The following LUZP2 variants were observed in gnomAD, a reference collection of about 807,000 sequenced individuals.
LUZP2 encodes leucine zipper protein 2.
LUZP2 carries 52 observed loss-of-function variants against 51.6 expected under a neutral mutation model. The observed-to-expected ratio is 1.01, with a 90% CI of 0.81 to 1.27. The LOEUF (loss-of-function observed/expected upper bound fraction) is 1.27. Ranked by LOEUF, LUZP2 falls within the 50% of genes most tolerant of loss-of-function variation. The pLI, the probability that LUZP2 is intolerant of heterozygous loss-of-function variation, is 0.00. For missense variants in LUZP2, 436 were observed against 395.4 expected (o/e 1.10, Z -0.87); for synonymous variants, 154 against 137.3 (o/e 1.12, Z -0.85).
chr11:24,665,228 G>A (rs1856174099), intron 1 of LUZP2, among the ~76,000 whole-genome samples: 1 of 152,140 alleles, frequency 6.6e-6, no homozygotes, highest in Non-Finnish European at 1.5e-5. Flanking sequence ...GGACTTGCAT[G>A]GAGCCTGTAA....
At chr11:24,602,438 AAAAT>A (rs36164354) in intron 1 of LUZP2, among the ~76,000 whole-genome samples, 2,725 of 148,314 alleles carry the variant, frequency 0.018, 32 homozygotes, top group African/African-American at 0.026. Context: ...AAATATGGGG[AAAAT>A]AAATAAATGC....
chr11:24,629,943 T>C, intron 1 of LUZP2, among the ~76,000 whole-genome samples: 1 of 152,034 alleles, frequency 6.6e-6, no homozygotes, highest in Non-Finnish European at 1.5e-5. Context: ...CTCTGATGAT[T>C]AGTGATGTTA....
chr11:24,656,263 A>T (rs1330416927), intron 1 of LUZP2, among the ~76,000 whole-genome samples: 1 of 152,164 alleles, frequency 6.6e-6, no homozygotes, highest in Non-Finnish European at 1.5e-5. Flanking sequence ...TCTCCATTCT[A>T]TCAATTTTCT....
chr11:24,975,345 A>G (rs1483410930), intron 7 of LUZP2, among the ~76,000 whole-genome samples: 1 of 152,080 alleles, frequency 6.6e-6, no homozygotes, highest in Non-Finnish European at 1.5e-5. Context: ...GCATTTTATT[A>G]TTCTTGCTCT....
intron 1 of LUZP2, among the ~76,000 whole-genome samples, chr11:24,539,988 A>G (rs1447540435): frequency 1.3e-5 from 2 of 152,052 alleles, no homozygotes; most frequent in African/African-American, 2.4e-5. Flanking sequence ...ACATATATAT[A>G]TATATTCTCA....
At chr11:24,538,413 G>A (rs1017884743) in intron 1 of LUZP2, among the ~76,000 whole-genome samples, 1 of 151,630 alleles carries the variant, frequency 6.6e-6, no homozygotes, top group African/African-American at 2.4e-5. Context: ...TGGTTTCTTA[G>A]GACATAAAAA....
chr11:24,999,340 G>A (rs1245126379), intron 9 of LUZP2, among the ~76,000 whole-genome samples: 3 of 151,850 alleles, frequency 2.0e-5, no homozygotes, highest in African/African-American at 7.3e-5. Context: ...GGAAGAAGAA[G>A]AGGAAAAAGA....
chr11:24,539,530 T>G (rs1262518831), intron 1 of LUZP2, among the ~76,000 whole-genome samples: 2 of 151,964 alleles, frequency 1.3e-5, no homozygotes, highest in Non-Finnish European at 2.9e-5. Context: ...ACACTATGCT[T>G]TTATAAATAC....
intron 6 of LUZP2, among the ~76,000 whole-genome samples, chr11:24,908,955 G>T (rs569419735): frequency 3.3e-5 from 5 of 151,500 alleles, no homozygotes; most frequent in African/African-American, 1.2e-4. Flanking sequence ...TAGAGACAGG[G>T]TTTCACTGTG....
At chr11:24,768,315 G>T (rs924656676) in intron 5 of LUZP2, among the ~76,000 whole-genome samples, 1 of 151,988 alleles carries the variant, frequency 6.6e-6, no homozygotes, top group African/African-American at 2.4e-5. Context: ...TTGTCATGTT[G>T]GCCAGGCTGG....
chr11:24,779,592 C>T (rs1244692785), intron 5 of LUZP2, among the ~76,000 whole-genome samples: 1 of 152,268 alleles, frequency 6.6e-6, no homozygotes, highest in Non-Finnish European at 1.5e-5. Context: ...AAATATTACT[C>T]GTGGCATATT....
At chr11:24,713,474 TTA>T (rs1857915673) in intron 1 of LUZP2, among the ~76,000 whole-genome samples, 1 of 152,064 alleles carries the variant, frequency 6.6e-6, no homozygotes, top group African/African-American at 2.4e-5. Flanking sequence ...GAAAATGTGC[TTA>T]TATAGTAAGT....
intron 5 of LUZP2, among the ~76,000 whole-genome samples, chr11:24,846,976 C>T (rs1851222121): frequency 6.6e-6 from 1 of 151,518 alleles, no homozygotes; most frequent in Admixed American, 6.6e-5. Flanking sequence ...TATATACACT[C>T]ATATATAGTA....
chr11:24,999,804 T>A (rs1856626400), intron 9 of LUZP2, among the ~76,000 whole-genome samples: 1 of 152,204 alleles, frequency 6.6e-6, no homozygotes, highest in Non-Finnish European at 1.5e-5. Context: ...GGGTTGTTGG[T>A]CTCACTGACT....
intron 5 of LUZP2, among the ~76,000 whole-genome samples, chr11:24,883,401 G>A (rs1437559979): frequency 1.4e-5 from 2 of 143,958 alleles, no homozygotes; most frequent in Non-Finnish European, 2.9e-5. Context: ...CCTGCACTTG[G>A]AACAAAAAAG....
At chr11:24,994,950 A>G (rs755810572) in intron 9 of LUZP2, among the ~76,000 whole-genome samples, 2 of 152,162 alleles carry the variant, frequency 1.3e-5, no homozygotes, top group Non-Finnish European at 2.9e-5. Context: ...ACTTAGCACA[A>G]TCTACTTTGA....
intron 1 of LUZP2, among the ~76,000 whole-genome samples, chr11:24,536,987 G>A (rs139244570): frequency 1.2e-3 from 187 of 151,966 alleles, no homozygotes; most frequent in African/African-American, 4.1e-3. Context: ...CAAGGAGGGG[G>A]AGAAAGACAA....
rs1304693659 is a variant in LUZP2, at chr11:24,824,390, A to AAAAAAAAT, written c.396+61085_396+61086insAAAATAAA. Among the ~76,000 whole-genome samples, 457 of 147,636 alleles carry AAAAAAAAT rather than the reference A, an allele frequency of 3.1e-3. 9 individuals carry two copies. Among genetic ancestry groups the AAAAAAAAT allele is most frequent in the African/African-American group, 0.011 (439 of 39,368 alleles). On this transcript the variant is annotated intron_variant, in intron 5 of 11. Coordinates refer to ENST00000336930, the MANE Select transcript of LUZP2 (RefSeq NM_001009909.4). ...TCAAAAAAAAAAAAAAAAAAAAAAA[A>AAAAAAAAT]AAATGAGTGGTACCATTTACTGTGA...
chr11:24,822,317 A>G (rs1464406257), intron 5 of LUZP2, among the ~76,000 whole-genome samples: 1 of 152,028 alleles, frequency 6.6e-6, no homozygotes, highest in African/African-American at 2.4e-5. Flanking sequence ...TTTTGTTGCT[A>G]CTTTTAGCCT....
Sources: gnomAD v4.1 joint callset for allele counts (sites outside exome capture counted in the v4.1 genomes callset) on GRCh38, gnomAD v4.1.1 for gene constraint, MANE v1.5 for transcripts, NCBI Gene and HGNC (gene_info 2026-07-23, HGNC 2026-07-21) for gene names.